The following PRR16 variants were observed in gnomAD, a reference collection of about 807,000 sequenced individuals.
The protein encoded by PRR16 is protein Largen.
A neutral mutation model predicts 18.2 loss-of-function variants in PRR16; 6 were observed. The ratio of observed to expected loss-of-function variants is 0.33; its 90% CI spans 0.18 to 0.65. The LOEUF is 0.65. Ranked by LOEUF, PRR16 falls within the 30% of genes least tolerant of loss-of-function variation. PRR16 has a pLI of 0.74. For missense variants in PRR16, 412 were observed against 376.6 expected, an observed-to-expected ratio of 1.09 and a Z score of -0.78; for synonymous variants, 151 against 147.8, an observed-to-expected ratio of 1.02 and a Z score of -0.16.
the PRR16 span, among the ~76,000 whole-genome samples, chr5:120,769,515 A>C: frequency 6.6e-6 from 1 of 151,834 alleles, no homozygotes; most frequent in African/African-American, 2.4e-5. Context: ...CTCATTTTCC[A>C]TTCCCTGTTG....
chr5:120,724,319 A>G, the PRR16 span, among the ~76,000 whole-genome samples: 1 of 152,088 alleles, frequency 6.6e-6, no homozygotes, highest in Admixed American at 6.6e-5. Context: ...AAGCGTTCAA[A>G]TTCTAACTCT....
At chr5:120,775,525 TCCTAA>T in the PRR16 span, among the ~76,000 whole-genome samples, 1 of 152,200 alleles carries the variant, frequency 6.6e-6, no homozygotes, top group African/African-American at 2.4e-5. Flanking sequence ...ATTAATAGTT[TCCTAA>T]CCTGCTATTC....
At chr5:120,607,324 A>C (rs1754186423) in intron 1 of PRR16, among the ~76,000 whole-genome samples, 1 of 152,172 alleles carries the variant, frequency 6.6e-6, no homozygotes, top group South Asian at 2.1e-4. Context: ...ACTCTGTTTC[A>C]CATTCAATGA....
At chr5:120,621,607 T>A (rs1441860430) in intron 1 of PRR16, among the ~76,000 whole-genome samples, 1 of 152,040 alleles carries the variant, frequency 6.6e-6, no homozygotes, top group African/African-American at 2.4e-5. Flanking sequence ...AGAGACCAGG[T>A]GGGGGTAAAT....
chr5:120,714,592 G>A, the PRR16 span, among the ~76,000 whole-genome samples: 1 of 152,038 alleles, frequency 6.6e-6, no homozygotes, highest in Non-Finnish European at 1.5e-5. Context: ...ATTCCTCAAG[G>A]ATCTAGAACC....
intron 1 of PRR16, among the ~76,000 whole-genome samples, chr5:120,498,102 C>G (rs1750320992): frequency 6.6e-6 from 1 of 150,952 alleles, no homozygotes. Flanking sequence ...GGCATTCCTT[C>G]TCTCTGTTTT....
the PRR16 span, among the ~76,000 whole-genome samples, chr5:120,695,851 C>T: frequency 6.6e-6 from 1 of 151,934 alleles, no homozygotes; most frequent in African/African-American, 2.4e-5. Flanking sequence ...GTTTTGTAAG[C>T]CTTGCTCTGT....
the PRR16 span, among the ~76,000 whole-genome samples, chr5:120,717,399 ATTAT>A: frequency 2.0e-5 from 3 of 152,152 alleles, no homozygotes; most frequent in Non-Finnish European, 4.4e-5. Context: ...GTTATCCTTC[ATTAT>A]TTATTTTTGA....
chr5:120,501,453 G>A (rs1016922077), intron 1 of PRR16, among the ~76,000 whole-genome samples: 1 of 151,944 alleles, frequency 6.6e-6, no homozygotes, highest in Non-Finnish European at 1.5e-5. Flanking sequence ...ATTGAATCTT[G>A]ATGACGATAA....
the PRR16 span, among the ~76,000 whole-genome samples, chr5:120,770,907 GTATT>G: frequency 7.1e-6 from 1 of 141,224 alleles, no homozygotes; most frequent in Non-Finnish European, 1.5e-5. Context: ...AACTCTGTGA[GTATT>G]TGACTCATTG....
intron 1 of PRR16, among the ~76,000 whole-genome samples, chr5:120,682,529 C>T (rs1757004324): frequency 6.6e-6 from 1 of 152,230 alleles, no homozygotes; most frequent in Non-Finnish European, 1.5e-5. Flanking sequence ...GGCATTTATT[C>T]ATCTCTGAAA....
the PRR16 span, among the ~76,000 whole-genome samples, chr5:120,766,668 C>G: frequency 9.2e-5 from 14 of 151,884 alleles, no homozygotes; most frequent in Admixed American, 9.2e-4. Context: ...CTCAATATAG[C>G]ACAAGACCGT....
chr5:120,585,136 A>G (rs1177253333), intron 1 of PRR16, among the ~76,000 whole-genome samples: 1 of 152,254 alleles, frequency 6.6e-6, no homozygotes, highest in Non-Finnish European at 1.5e-5. Context: ...AATAAGAATA[A>G]GACAGATATG....
intron 1 of PRR16, among the ~76,000 whole-genome samples, chr5:120,684,312 T>C (rs1032176305): frequency 6.6e-6 from 1 of 151,822 alleles, no homozygotes; most frequent in African/African-American, 2.4e-5. Flanking sequence ...TTTACCTGCC[T>C]GGTGGAATCA....
At chr5:120,642,495 G>GA (rs1158373118) in intron 1 of PRR16, among the ~76,000 whole-genome samples, 1 of 151,936 alleles carries the variant, frequency 6.6e-6, no homozygotes, top group Admixed American at 6.6e-5. Context: ...GAAACAGCTT[G>GA]AAAATCGCTG....
the PRR16 span, chr5:120,710,573 G>A: frequency 2.0e-5 from 3 of 152,170 alleles, no homozygotes; most frequent in African/African-American, 7.2e-5. Flanking sequence ...TAGTGTGTTA[G>A]TATTACAGAT....
chr5:120,503,737 C>T (rs1471896431), intron 1 of PRR16, among the ~76,000 whole-genome samples: 1 of 150,982 alleles, frequency 6.6e-6, no homozygotes, highest in African/African-American at 2.4e-5. Flanking sequence ...GTGCTGCACC[C>T]ATTAACTCGT....
intron 1 of PRR16, among the ~76,000 whole-genome samples, chr5:120,608,743 T>C (rs544050602): frequency 6.6e-6 from 1 of 152,310 alleles, no homozygotes; most frequent in South Asian, 2.1e-4. Flanking sequence ...GTTAACCCCC[T>C]AGACGGTGTT....
intron 1 of PRR16, among the ~76,000 whole-genome samples, chr5:120,473,787 A>C (rs1359537648): frequency 4.6e-5 from 7 of 152,154 alleles, no homozygotes; most frequent in African/African-American, 1.7e-4. Context: ...AGCTCAGTAA[A>C]ATAAACACTA....
Sources: allele counts gnomAD v4.1 joint callset (sites outside exome capture counted in the v4.1 genomes callset), GRCh38; gene constraint gnomAD v4.1.1; transcripts MANE v1.5; gene names NCBI Gene and HGNC (gene_info 2026-07-23, HGNC 2026-07-21).